The following PDE11A variants were observed in gnomAD, a reference collection of about 807,000 sequenced individuals.
The protein encoded by PDE11A is phosphodiesterase 11A.
In PDE11A, 100 loss-of-function variants were observed where a neutral mutation model predicts 100.5. The observed-to-expected ratio is 1.00, with a 90% CI of 0.85 to 1.18. PDE11A has a LOEUF of 1.18. Among genes scored for constraint, PDE11A ranks in the 50% most tolerant of loss-of-function variants. PDE11A has a pLI of 0.00. For missense variants in PDE11A, 1,141 were observed against 1,152.6 expected, an observed-to-expected ratio of 0.99 and a Z score of 0.15; for synonymous variants, 381 against 420.8, an observed-to-expected ratio of 0.91 and a Z score of 1.16.
intron 19 of PDE11A, among the ~76,000 whole-genome samples, chr2:177,648,880 G>A (rs1434134787): frequency 6.6e-6 from 1 of 151,728 alleles, no homozygotes; most frequent in Non-Finnish European, 1.5e-5. Flanking sequence ...AAATAATAAG[G>A]GTTTATTTCT....
chr2:178,095,202 A>G (rs2087472248), intron 2 of PDE11A, among the ~76,000 whole-genome samples: 1 of 152,214 alleles, frequency 6.6e-6, no homozygotes, highest in South Asian at 2.1e-4. Flanking sequence ...TCCTCCTATG[A>G]GCCTGTAAAA....
intron 13 of PDE11A, among the ~76,000 whole-genome samples, chr2:177,704,566 A>C (rs1271845562): frequency 6.6e-6 from 1 of 152,146 alleles, no homozygotes; most frequent in Non-Finnish European, 1.5e-5. Context: ...GTCTTGATAT[A>C]AGTGGCAAAA....
At chr2:178,073,057 G>A, upstream of PDE11A, 9 of 985,332 alleles carry the variant, frequency 9.1e-6, no homozygotes, top group Non-Finnish European at 1.1e-5. Context: ...TACTCACCGC[G>A]CCCCTTAATC....
chr2:177,942,721 A>T (rs903592587), intron 2 of PDE11A, among the ~76,000 whole-genome samples: 2 of 151,962 alleles, frequency 1.3e-5, no homozygotes, highest in African/African-American at 4.8e-5. Flanking sequence ...TAATTGTTGT[A>T]AAAAAAACAC....
At chr2:177,784,021 G>A (rs1175360561) in intron 9 of PDE11A, among the ~76,000 whole-genome samples, 4 of 151,998 alleles carry the variant, frequency 2.6e-5, no homozygotes, top group Non-Finnish European at 5.9e-5. Flanking sequence ...ATAAGGTAGT[G>A]AGAGATTTCT....
intron 18 of PDE11A, among the ~76,000 whole-genome samples, chr2:177,665,980 T>C (rs1314000412): frequency 6.6e-6 from 1 of 152,206 alleles, no homozygotes; most frequent in African/African-American, 2.4e-5. Context: ...AATGCAGTGG[T>C]TTTTAGTATA....
At chr2:178,008,303 A>C (rs921913816) in intron 2 of PDE11A, among the ~76,000 whole-genome samples, 2 of 152,198 alleles carry the variant, frequency 1.3e-5, no homozygotes, top group African/African-American at 4.8e-5. Context: ...TGACAGAAGA[A>C]ATCTCTTTGC....
chr2:177,796,268 A>G (rs550069696), intron 9 of PDE11A, among the ~76,000 whole-genome samples: 1 of 152,070 alleles, frequency 6.6e-6, no homozygotes, highest in African/African-American at 2.4e-5. Flanking sequence ...TATCCCCTGG[A>G]AAGAAAAGTC....
At chr2:177,731,468 G>C (rs963919334) in intron 10 of PDE11A, among the ~76,000 whole-genome samples, 2 of 152,154 alleles carry the variant, frequency 1.3e-5, no homozygotes, top group African/African-American at 4.8e-5. Context: ...CTGGAGCCTA[G>C]CGGGGAAGCA....
chr2:177,836,044 CTGA>C (rs1483778722), intron 6 of PDE11A, among the ~76,000 whole-genome samples: 1 of 152,252 alleles, frequency 6.6e-6, no homozygotes, highest in African/African-American at 2.4e-5. Flanking sequence ...CACCCAACAG[CTGA>C]TGAGTGTGGG....
At chr2:178,045,756 C>T (rs1173407626) in intron 1 of PDE11A, among the ~76,000 whole-genome samples, 2 of 152,234 alleles carry the variant, frequency 1.3e-5, no homozygotes, top group African/African-American at 4.8e-5. Flanking sequence ...CCAAACCTGA[C>T]ACAATTGTTG....
intron 2 of PDE11A, among the ~76,000 whole-genome samples, chr2:178,082,841 G>T (rs2087303767): frequency 6.6e-6 from 1 of 152,174 alleles, no homozygotes; most frequent in Non-Finnish European, 1.5e-5. Context: ...GTGACTGGTT[G>T]TTATCAGTGA....
chr2:177,870,010 C>A (rs542331127), intron 5 of PDE11A, among the ~76,000 whole-genome samples: 12 of 152,310 alleles, frequency 7.9e-5, no homozygotes, highest in African/African-American at 2.9e-4. Context: ...AACAGTCCTG[C>A]ATCATGCACG....
chr2:177,744,185 A>ATTCCCTTGC (rs2081914559), intron 10 of PDE11A, among the ~76,000 whole-genome samples: 1 of 152,148 alleles, frequency 6.6e-6, no homozygotes, highest in South Asian at 2.1e-4. Context: ...GGAAGGGAAT[A>ATTCCCTTGC]AAGGGATGTG....
At chr2:177,761,234 C>T (rs965220262) in intron 10 of PDE11A, among the ~76,000 whole-genome samples, 3 of 152,106 alleles carry the variant, frequency 2.0e-5, no homozygotes, top group Non-Finnish European at 1.5e-5. Context: ...AAACGAATCC[C>T]TTTATTTTCA....
intron 2 of PDE11A, among the ~76,000 whole-genome samples, chr2:177,950,078 G>T (rs982929780): frequency 1.3e-5 from 2 of 152,148 alleles, no homozygotes; most frequent in Admixed American, 1.3e-4. Flanking sequence ...CAATAATGTT[G>T]CATTCAAAGA....
At chr2:177,821,597 T>G (rs1318696417) in intron 6 of PDE11A, among the ~76,000 whole-genome samples, 2 of 151,798 alleles carry the variant, frequency 1.3e-5, no homozygotes, top group Admixed American at 1.3e-4. Context: ...TGTATGAGAG[T>G]TCCAGTTGAT....
intron 10 of PDE11A, among the ~76,000 whole-genome samples, chr2:177,754,018 T>C (rs2082057398): frequency 6.6e-6 from 1 of 152,130 alleles, no homozygotes; most frequent in South Asian, 2.1e-4. Flanking sequence ...CCTTTCCAGC[T>C]GACAGTGAGA....
intron 2 of PDE11A, among the ~76,000 whole-genome samples, chr2:177,931,047 T>C (rs1407983834): frequency 2.0e-5 from 3 of 152,202 alleles, no homozygotes; most frequent in Non-Finnish European, 4.4e-5. Context: ...CATCTTTTTG[T>C]TATTTTTTTC....
Sources: allele counts gnomAD v4.1 joint callset (sites outside exome capture counted in the v4.1 genomes callset), GRCh38; gene constraint gnomAD v4.1.1; transcripts MANE v1.5; gene names NCBI Gene and HGNC (gene_info 2026-07-23, HGNC 2026-07-21).